Variants in CCDC171 observed in about 807,000 individuals in gnomAD.
The protein encoded by CCDC171 is coiled-coil domain containing 171.
In CCDC171, 177 loss-of-function variants were observed where a neutral mutation model predicts 168.2. The ratio of observed to expected loss-of-function variants is 1.05; its 90% CI spans 0.93 to 1.19. The LOEUF (loss-of-function observed/expected upper bound fraction) is 1.19. CCDC171 is among the 50% of genes most tolerant of loss of function. The pLI is 0.00. For synonymous variants in CCDC171, 687 were observed against 540.8 expected, an observed-to-expected ratio of 1.27 and a Z score of -3.75; for missense variants, 1,991 against 1,539.0, an observed-to-expected ratio of 1.29 and a Z score of -4.91.
Position 15,960,815 on chromosome 9 carries a change from C to G in CCDC171, c.3754-10794C>G, listed in dbSNP as rs974624023. Reference sequence around the variant, plus strand: ...AATACATTCTTTTAACTGAAGATAGCCAGTCCCTCCAGAAAGGCCCAGCTA... The same window carrying G: ...AATACATTCTTTTAACTGAAGATAGGCAGTCCCTCCAGAAAGGCCCAGCTA... On this transcript the variant is annotated intron_variant, in intron 25 of 25. Transcript: ENST00000380701. Among the ~76,000 whole-genome samples the G allele has an allele frequency of 7.9e-5, 12 of 152,232 alleles. 1 individual carries two copies. In the South Asian group the frequency reaches 2.5e-3, roughly 32 times the overall value.
At chr9:15,689,813 C>T (rs1247753077) in intron 10 of CCDC171, among the ~76,000 whole-genome samples, 1 of 152,064 alleles carries the variant, frequency 6.6e-6, no homozygotes, top group African/African-American at 2.4e-5. Context: ...TACAAAGCTA[C>T]AGTAGTCAAG....
At chr9:15,588,809 G>A (rs776232812) in intron 4 of CCDC171, among the ~76,000 whole-genome samples, 1 of 150,158 alleles carries the variant, frequency 6.7e-6, no homozygotes, top group Non-Finnish European at 1.5e-5. Flanking sequence ...CCGGGTTCAC[G>A]TCATTCTTCT....
chr9:15,837,722 C>T (rs2060510695), intron 21 of CCDC171, among the ~76,000 whole-genome samples: 1 of 152,276 alleles, frequency 6.6e-6, no homozygotes, highest in South Asian at 2.1e-4. Context: ...TACTCAGCTT[C>T]ACTCTCTTTT....
At chr9:15,942,846 A>G (rs920816713) in intron 25 of CCDC171, among the ~76,000 whole-genome samples, 10 of 151,988 alleles carry the variant, frequency 6.6e-5, no homozygotes, top group African/African-American at 2.2e-4. Context: ...ATTTTAAACT[A>G]TGACCAAATG....
intron 18 of CCDC171, among the ~76,000 whole-genome samples, chr9:15,751,468 A>C (rs1331786632): frequency 6.6e-6 from 1 of 152,222 alleles, no homozygotes; most frequent in Admixed American, 6.5e-5. Context: ...CATAGCCAAG[A>C]CAATCCTAAG....
chr9:15,585,606 G>T (rs1198590738), intron 4 of CCDC171, among the ~76,000 whole-genome samples: 1 of 152,180 alleles, frequency 6.6e-6, no homozygotes, highest in African/African-American at 2.4e-5. Context: ...ATTTGACTGG[G>T]AAAGAGTATG....
chr9:15,725,112 T>G (rs1479095059), intron 14 of CCDC171, 136 bp downstream of exon 14: 1 of 646,058 alleles, frequency 1.5e-6, no homozygotes, highest in Non-Finnish European at 2.7e-6. Flanking sequence ...TTGTGACAGC[T>G]ACAAAATCAC....
At chr9:15,754,892 A>T (rs542554112) in intron 18 of CCDC171, among the ~76,000 whole-genome samples, 7 of 152,308 alleles carry the variant, frequency 4.6e-5, no homozygotes, top group Admixed American at 1.3e-4. Context: ...AATAATAAAT[A>T]GATTTTGTAA....
chr9:15,867,372 A>G (rs1233622615), intron 23 of CCDC171, among the ~76,000 whole-genome samples: 1 of 152,060 alleles, frequency 6.6e-6, no homozygotes, highest in Non-Finnish European at 1.5e-5. Flanking sequence ...TAATTTATGA[A>G]ACTGACAGTA....
At chr9:15,592,665 A>G (rs936224217) in intron 5 of CCDC171, among the ~76,000 whole-genome samples, 4 of 152,060 alleles carry the variant, frequency 2.6e-5, no homozygotes, top group African/African-American at 9.7e-5. Flanking sequence ...TTCGGTGGTA[A>G]CTGATATTAC....
rs184377403 is a variant in CCDC171, at chr9:15,905,902, C to G, written c.3601-14368C>G. On this transcript the variant is annotated intron_variant, in intron 24 of 25. Transcript: ENST00000380701. ...AGAGAATACTATGAACACCTCTACG[C>G]AAATAAACTAGAAAATCTAGAAGAA... is the stretch of plus-strand genomic sequence containing the variant. Among the ~76,000 whole-genome samples, 259 of 152,282 alleles carry G rather than the reference C, an allele frequency of 1.7e-3. 2 individuals carry two copies. Among genetic ancestry groups the G allele is most frequent in the African/African-American group, 5.8e-3 (241 of 41,564 alleles).
intron 6 of CCDC171, among the ~76,000 whole-genome samples, chr9:16,027,504 C>G (rs570610804): frequency 1.3e-5 from 2 of 152,124 alleles, no homozygotes; most frequent in Non-Finnish European, 2.9e-5. Flanking sequence ...ACTTTTCTCC[C>G]CAAAATCAAA....
rs148000215 is a variant in CCDC171, at chr9:15,724,358, A to G, written c.1492-418A>G. Among the ~76,000 whole-genome samples, 10 of 152,334 alleles carry G rather than the reference A, an allele frequency of 6.6e-5. No individual in the cohort carries two copies. The East Asian group carries it at 1.7e-3, about 26-fold the overall frequency. On this transcript the variant is annotated intron_variant, in intron 13 of 25. Coordinates refer to ENST00000380701, the MANE Select transcript of CCDC171 (RefSeq NM_173550.4). ...TTTAAGGAATAAACAGTTCAGCAAA[A>G]TTTTGTGCCACATATTTGAGATTTC...
chr9:15,839,922 T>A (rs1212764581), intron 21 of CCDC171, among the ~76,000 whole-genome samples: 3 of 152,138 alleles, frequency 2.0e-5, no homozygotes, highest in African/African-American at 7.2e-5. Context: ...TTTATTTACA[T>A]TTAAGTCTAA....
At chr9:15,843,525 T>C (rs2060771618) in intron 21 of CCDC171, among the ~76,000 whole-genome samples, 1 of 152,090 alleles carries the variant, frequency 6.6e-6, no homozygotes, top group Non-Finnish European at 1.5e-5. Flanking sequence ...AAGTGAAATA[T>C]CTCAAGGCTG....
intron 3 of CCDC171, among the ~76,000 whole-genome samples, chr9:16,012,669 G>C (rs1369266843): frequency 6.6e-6 from 1 of 151,144 alleles, no homozygotes; most frequent in East Asian, 1.9e-4. Context: ...TCAGACTCTT[G>C]CAGAATACAA....
chr9:15,960,358 T>C (rs779193175), intron 25 of CCDC171, among the ~76,000 whole-genome samples: 24 of 152,186 alleles, frequency 1.6e-4, no homozygotes, highest in Non-Finnish European at 2.8e-4. Context: ...TCATAGGCAC[T>C]TGATAGATAT....
chr9:15,859,751 C>T (rs201398539), intron 23 of CCDC171, among the ~76,000 whole-genome samples: 1 of 151,760 alleles, frequency 6.6e-6, no homozygotes, highest in Non-Finnish European at 1.5e-5. Flanking sequence ...CCTCAAACCC[C>T]TGGGCTCAAG....
chr9:15,600,927 C>G (rs1005838426), intron 6 of CCDC171, among the ~76,000 whole-genome samples: 4 of 152,196 alleles, frequency 2.6e-5, no homozygotes, highest in African/African-American at 9.6e-5. Flanking sequence ...GTGTAGGACC[C>G]TCCGAGCCAA....
Sources: allele counts gnomAD v4.1 joint callset (sites outside exome capture counted in the v4.1 genomes callset), GRCh38; gene constraint gnomAD v4.1.1; transcripts MANE v1.5; gene names NCBI Gene and HGNC (gene_info 2026-07-23, HGNC 2026-07-21).